MAST4: variants seen among roughly 807,000 people sequenced by gnomAD.
MAST4 encodes the protein microtubule associated serine/threonine kinase family member 4, also known as microtubule-associated serine/threonine-protein kinase 4.
A neutral mutation model predicts 162.7 loss-of-function variants in MAST4; 89 were observed. That is an observed-to-expected ratio of 0.55 (90% CI 0.46 to 0.65). The LOEUF is 0.65. Among genes scored for constraint, MAST4 ranks in the 30% least tolerant of loss-of-function variants. MAST4 has a pLI of 0.00. For missense variants in MAST4, 3,153 were observed against 3,374.0 expected (o/e 0.93, Z 1.62); for synonymous variants, 1,479 against 1,361.1 (o/e 1.09, Z -1.91).
intron 4 of MAST4, among the ~76,000 whole-genome samples, chr5:66,953,388 T>A (rs925434865): frequency 3.3e-5 from 5 of 152,186 alleles, no homozygotes; most frequent in Non-Finnish European, 7.3e-5. Flanking sequence ...TTTACTCTTA[T>A]GTCAGCCTAT....
intron 5 of MAST4, among the ~76,000 whole-genome samples, chr5:67,074,944 C>A (rs1178324026): frequency 1.3e-5 from 2 of 151,894 alleles, no homozygotes; most frequent in East Asian, 1.9e-4. Flanking sequence ...TTGCTTTCAC[C>A]CTCACCATCT....
Position 66,759,726 on chromosome 5 carries a change from C to G in MAST4, c.381C>G (p.Ser127=). ...TTCTGCAGCTTGACCACATATTATC[C>G]CCTCCACCCATGCCGTTTCGGAAAT... ...EQDEELDHIL[S]PPPMPFRKCS... is the part of the protein sequence containing the mutation. The change falls in exon 2 of 29, where the codon TCC becomes TCG. Residue 127 remains serine, a synonymous_variant. Coordinates refer to ENST00000403625, the MANE Select transcript of MAST4 (RefSeq NM_001164664.2). 1 of 1,613,840 alleles carries G rather than the reference C, an allele frequency of 6.2e-7. No individual in the cohort carries two copies. Among genetic ancestry groups the G allele is most frequent in the East Asian group, 2.2e-5 (1 of 44,886 alleles).
intron 3 of MAST4, among the ~76,000 whole-genome samples, chr5:66,835,981 G>A (rs1757940058): frequency 6.6e-6 from 1 of 152,056 alleles, no homozygotes; most frequent in Admixed American, 6.6e-5. Context: ...ATCAGCCTGA[G>A]CAACATAGTG....
At chr5:66,628,719 C>A (rs1194205007) in intron 1 of MAST4, among the ~76,000 whole-genome samples, 2 of 151,950 alleles carry the variant, frequency 1.3e-5, no homozygotes, top group African/African-American at 4.8e-5. Flanking sequence ...AGAGGAGGGC[C>A]AAAACTTGCT....
chr5:67,102,626 T>C lies in MAST4; in HGVS notation c.1146+15T>C. On this transcript the variant is annotated intron_variant, in intron 9 of 28. Transcript: ENST00000403625. ...GGTTCCCAAAGGTAATGAATTGAAT[T>C]GAAGATGCCTAGCATCTAAACGAAC... The C allele has an allele frequency of 6.3e-7, 1 of 1,597,696 alleles. No homozygotes were observed. Among genetic ancestry groups the C allele is most frequent in the Non-Finnish European group, 8.6e-7 (1 of 1,165,034 alleles).
intron 1 of MAST4, among the ~76,000 whole-genome samples, chr5:66,708,181 T>A (rs1750261720): frequency 6.6e-6 from 1 of 152,220 alleles, no homozygotes; most frequent in Non-Finnish European, 1.5e-5. Context: ...GTGTCTTGCT[T>A]GCTTTTATTT....
At chr5:66,955,584 A>T (rs2150142687) in intron 4 of MAST4, among the ~76,000 whole-genome samples, 1 of 152,314 alleles carries the variant, frequency 6.6e-6, no homozygotes, top group South Asian at 2.1e-4. Flanking sequence ...CAAGTTTAAT[A>T]AATAGTAACC....
At chr5:66,758,403 C>A (rs1753672735) in intron 1 of MAST4, among the ~76,000 whole-genome samples, 2 of 151,330 alleles carry the variant, frequency 1.3e-5, no homozygotes, top group South Asian at 4.2e-4. Flanking sequence ...ATAAATATTT[C>A]TATTTATTTA....
chr5:66,966,634 C>T (rs1424870768), intron 4 of MAST4, among the ~76,000 whole-genome samples: 3 of 152,070 alleles, frequency 2.0e-5, no homozygotes, highest in Admixed American at 2.0e-4. Context: ...TGGCACACAT[C>T]ACTTCCATTC....
Position 67,064,865 on chromosome 5 carries a change from A to T in MAST4, c.763+10373A>T, listed in dbSNP as rs553931463. On this transcript the variant is annotated intron_variant, in intron 5 of 28. Coordinates refer to ENST00000403625, the MANE Select transcript of MAST4 (RefSeq NM_001164664.2). ...TCTTGAAAAACTAGAGTCTCAAAAT[A>T]GTCAACTTCTTGAAGTTACTGAGAT... Among the ~76,000 whole-genome samples the T allele has an allele frequency of 1.0e-3, 159 of 152,376 alleles. 1 individual carries two copies. The highest frequency in any genetic ancestry group is 3.8e-3 in the African/African-American group (156 of 41,590).
intron 8 of MAST4, among the ~76,000 whole-genome samples, chr5:67,101,927 CCTA>C (rs1327064769): frequency 1.3e-5 from 2 of 151,318 alleles, no homozygotes; most frequent in East Asian, 3.9e-4. Flanking sequence ...GGAAGATAAA[CCTA>C]CTATTGAAAG....
At chr5:66,624,154 T>G (rs1312520505) in intron 1 of MAST4, among the ~76,000 whole-genome samples, 2 of 135,784 alleles carry the variant, frequency 1.5e-5, no homozygotes, top group Non-Finnish European at 3.2e-5. Flanking sequence ...ATGTTTTTTT[T>G]TTTTTTTTTT....
intron 2 of MAST4, among the ~76,000 whole-genome samples, chr5:66,780,270 G>T (rs899984083): frequency 1.3e-5 from 2 of 151,676 alleles, no homozygotes; most frequent in Non-Finnish European, 2.9e-5. Context: ...TTCTATGAAA[G>T]AATGCATTTG....
chr5:67,070,963 G>A (rs1486112483), intron 5 of MAST4, among the ~76,000 whole-genome samples: 2 of 152,052 alleles, frequency 1.3e-5, no homozygotes, highest in Non-Finnish European at 2.9e-5. Flanking sequence ...TTATCTTTCT[G>A]TAGGAAATTT....
chr5:67,155,933 G>A (rs544958834), intron 26 of MAST4, among the ~76,000 whole-genome samples: 22 of 152,068 alleles, frequency 1.4e-4, no homozygotes, highest in South Asian at 8.3e-4. Context: ...GGTGGTGGGC[G>A]CCTGTAATCC....
intron 1 of MAST4, among the ~76,000 whole-genome samples, chr5:66,672,541 G>A (rs1490241393): frequency 1.3e-5 from 2 of 152,184 alleles, no homozygotes; most frequent in East Asian, 1.9e-4. Context: ...GAAGAAATCA[G>A]GAGAGAGAAA....
chr5:66,622,277 G>A (rs866581325), intron 1 of MAST4, among the ~76,000 whole-genome samples: 1 of 152,150 alleles, frequency 6.6e-6, no homozygotes, highest in Non-Finnish European at 1.5e-5. Context: ...GCCCTGAGAT[G>A]GAACATATCT....
intron 1 of MAST4, among the ~76,000 whole-genome samples, chr5:66,682,096 C>T (rs1412813276): frequency 1.3e-5 from 2 of 152,180 alleles, no homozygotes; most frequent in Non-Finnish European, 2.9e-5. Context: ...CCCTGACCTA[C>T]ATGAGGGCAT....
intron 1 of MAST4, among the ~76,000 whole-genome samples, chr5:66,645,907 A>G (rs954443366): frequency 6.6e-6 from 1 of 152,114 alleles, no homozygotes; most frequent in Non-Finnish European, 1.5e-5. Flanking sequence ...TGCAGATTTG[A>G]AATTTTTTCC....
Sources: gnomAD v4.1 joint callset for allele counts (sites outside exome capture counted in the v4.1 genomes callset) on GRCh38, gnomAD v4.1.1 for gene constraint, MANE v1.5 for transcripts, NCBI Gene and HGNC (gene_info 2026-07-23, HGNC 2026-07-21) for gene names.